TCEA1: variants seen among roughly 807,000 people sequenced by gnomAD.
TCEA1 encodes the protein transcription elongation factor A1.
Under a neutral mutation model 43.8 loss-of-function variants are expected in TCEA1, and 21 were observed. The ratio of observed to expected loss-of-function variants is 0.48; its 90% CI spans 0.34 to 0.69. TCEA1 has a LOEUF of 0.69. Ranked by LOEUF, TCEA1 falls within the 30% of genes least tolerant of loss-of-function variation. The probability of loss-of-function intolerance (pLI) is 0.01; values close to 1 mark genes in which losing one functional copy is unlikely to be tolerated. For missense variants in TCEA1, 250 were observed against 365.1 expected (o/e 0.68, Z 2.57); for synonymous variants, 104 against 117.5 (o/e 0.88, Z 0.75).
At chr8:54,020,899 C>T (rs887664076) in intron 1 of TCEA1, among the ~76,000 whole-genome samples, 1 of 152,042 alleles carries the variant, frequency 6.6e-6, no homozygotes, top group Non-Finnish European at 1.5e-5. Context: ...ATAAGTTTAC[C>T]TGAGAGGCCA....
chr8:53,987,817 G>A (rs1803735608), intron 5 of TCEA1, among the ~76,000 whole-genome samples: 1 of 151,982 alleles, frequency 6.6e-6, no homozygotes, highest in Admixed American at 6.6e-5. Flanking sequence ...AGATTAAATT[G>A]TGGGGAAACA....
At chr8:54,013,680 C>CAAAAAAA (rs5891511) in intron 1 of TCEA1, among the ~76,000 whole-genome samples, 254 of 65,110 alleles carry the variant, frequency 3.9e-3, no homozygotes, top group South Asian at 5.0e-3. Context: ...AACTCCATCT[C>CAAAAAAA]AAAAAAAAAA....
chr8:54,000,639 T>A (rs944080626), intron 2 of TCEA1, among the ~76,000 whole-genome samples: 5 of 152,190 alleles, frequency 3.3e-5, no homozygotes, highest in African/African-American at 9.6e-5. Context: ...TCCACATTCA[T>A]CAATCTTTCT....
At chr8:53,973,687 A>C (rs1803237249) in intron 8 of TCEA1, 1 of 557,972 alleles carries the variant, frequency 1.8e-6, no homozygotes, top group East Asian at 4.4e-5. Flanking sequence ...CAGCTCATGA[A>C]AAAAAAGAAA....
chr8:53,990,313 C>T (rs1183513432), intron 4 of TCEA1, among the ~76,000 whole-genome samples: 1 of 151,410 alleles, frequency 6.6e-6, no homozygotes, highest in Non-Finnish European at 1.5e-5. Context: ...CCTCGGCGTC[C>T]TAAAGTGCTT....
rs1416379973 is a variant in TCEA1 at position 53,979,151 on chromosome 8, C to T, written c.699G>A (p.Leu233=). Reference sequence around the variant, plus strand: ...TGGTCAAGTTTTTCCGCATCTCTTTCAGCTCATCACTAGCCATTTCCTATG... The same window carrying T: ...TGGTCAAGTTTTTCCGCATCTCTTTTAGCTCATCACTAGCCATTTCCTATG... ...MTAEEMASDE[L]KEMRKNLTKE... is the part of the protein sequence containing the mutation. Residue 233 remains leucine, a synonymous_variant, in exon 8 of 10, where the codon CTG becomes CTA. Coordinates refer to ENST00000521604, the MANE Select transcript of TCEA1 (RefSeq NM_006756.4). The T allele has an allele frequency of 6.2e-7, 1 of 1,613,692 alleles. No homozygotes were observed. The highest frequency in any genetic ancestry group is 8.5e-7 in the Non-Finnish European group (1 of 1,179,758).
rs118088701 is a variant in TCEA1, at chr8:54,014,747, G to A, written c.64-4255C>T. Among the ~76,000 whole-genome samples the A allele has an allele frequency of 6.8e-3, 1,040 of 152,346 alleles. 6 individuals are homozygous for A. The highest frequency in any genetic ancestry group is 0.011 in the Non-Finnish European group (777 of 68,032). ...CTCAAGGAGATGTAAAAAGGAGGGA[G>A]TAATAGGGATTTATAGTTAAGAATA... On this transcript the variant is annotated intron_variant, in intron 1 of 9. Transcript: ENST00000521604.
Position 53,999,970 on chromosome 8 carries a change from G to A in TCEA1, c.207C>T (p.Leu69=), listed in dbSNP as rs768225410. ...CTAATAATTTTTTCCAGGATTTGAT[G>A]AGAGACTTTGCCAAAGATGTAACTT... ...DEEVTSLAKS[L]IKSWKKLLDG... is the part of the protein sequence containing the mutation. Residue 69 remains leucine (L), a synonymous_variant, in exon 3 of 10, where the codon CTC becomes CTT. Transcript: ENST00000521604. 1.9e-6 allele frequency: 3 copies of A among 1,598,764 alleles called. No homozygotes were observed. Among genetic ancestry groups the A allele is most frequent in the South Asian group, 2.3e-5 (2 of 88,682 alleles).
intron 1 of TCEA1, among the ~76,000 whole-genome samples, chr8:54,011,648 CAGAA>C (rs1804656415): frequency 6.6e-6 from 1 of 152,154 alleles, no homozygotes; most frequent in African/African-American, 2.4e-5. Flanking sequence ...CCCAAAAAAA[CAGAA>C]AGAACCACAG....
chr8:53,995,064 G>A (rs1804008474), intron 3 of TCEA1, among the ~76,000 whole-genome samples: 3 of 152,076 alleles, frequency 2.0e-5, no homozygotes, highest in Admixed American at 1.3e-4. Context: ...ACTTTGGGAG[G>A]CTGAGGCAGG....
intron 4 of TCEA1, among the ~76,000 whole-genome samples, chr8:53,991,472 A>G (rs1282789784): frequency 6.6e-6 from 1 of 151,954 alleles, no homozygotes; most frequent in East Asian, 1.9e-4. Flanking sequence ...AGGCGGGCGG[A>G]TCACCTGAGG....
rs763816626 is a variant in TCEA1, at chr8:53,993,655, T to C, written c.320+13A>G. On this transcript the variant is annotated intron_variant, in intron 4 of 9. Coordinates refer to ENST00000521604, the MANE Select transcript of TCEA1 (RefSeq NM_006756.4). ...GACTTTCAATATAAATATATGTCTA[T>C]ACTGTGAAGTACCTTTCTTCTCTTG... The C allele has an allele frequency of 3.1e-6, 5 of 1,599,050 alleles. No homozygotes were observed. Among genetic ancestry groups the C allele is most frequent in the Non-Finnish European group, 4.3e-6 (5 of 1,169,118 alleles).
chr8:53,978,991 A>G (rs1381866703), intron 8 of TCEA1, 34 bp downstream of exon 8: 21 of 1,569,602 alleles, frequency 1.3e-5, no homozygotes, highest in Non-Finnish European at 1.8e-5. Flanking sequence ...AAGCATTTTT[A>G]TATAAAAATA....
chr8:53,999,038 C>A (rs1237401188), intron 3 of TCEA1, among the ~76,000 whole-genome samples: 2 of 151,960 alleles, frequency 1.3e-5, no homozygotes, highest in Non-Finnish European at 2.9e-5. Context: ...ACCACCCTGG[C>A]TAACACGGTG....
rs907862585 is a variant in TCEA1, at chr8:54,022,196, C to G, written c.-71G>C. ...GTGGGCGAAGCTGGAGCGGAAGACACAGCAGGAGCGACCCCCGGCGCGCAG... is the reference window on the plus strand; with the variant it reads ...GTGGGCGAAGCTGGAGCGGAAGACAGAGCAGGAGCGACCCCCGGCGCGCAG... On this transcript the variant is annotated 5_prime_UTR_variant, in exon 1 of 10. Transcript: ENST00000521604. 11 of 1,515,458 alleles carry G rather than the reference C, an allele frequency of 7.3e-6. No homozygotes were observed. The Admixed American group carries it at 1.9e-4, about 26-fold the overall frequency. The allele number at this position is 1,515,458 out of a possible 1,614,324, so 93.9% of individuals were successfully genotyped here. A position where few individuals can be genotyped will look rare whatever the true frequency, so the allele number is the denominator to read the frequency against.
rs1204206357 is a variant in TCEA1, at chr8:53,966,793, A to G, written c.*1311T>C. The stretch of plus-strand genomic sequence containing the variant: ...TTACAACAAAATGATATGCAATAAG[A>G]AATTGGAAAAAGGGAGCAAAGGAGA... On this transcript the variant is annotated 3_prime_UTR_variant, in exon 10 of 10. Transcript: ENST00000521604. The G allele has an allele frequency of 4.9e-6, 1 of 203,294 alleles. No homozygotes were observed. The highest frequency in any genetic ancestry group is 1.0e-5 in the Non-Finnish European group (1 of 99,360). 12.6% of individuals were successfully genotyped at this position (203,294 alleles called of 1,614,324 possible).
In TCEA1 at chr8:53,966,912, T is replaced by C. The variant is rs1803003570; in HGVS notation, c.*1192A>G. ...CTTTGCAACAGTGGCCTTTAAAGTA[T>C]GCTAGAGCAAGTGTACCCTAGGGAA... On this transcript the variant is annotated 3_prime_UTR_variant, in exon 10 of 10. Coordinates refer to ENST00000521604, the MANE Select transcript of TCEA1 (RefSeq NM_006756.4). 4.9e-6 allele frequency: 1 copy of C among 204,466 alleles called. No individual in the cohort carries two copies. Among genetic ancestry groups the C allele is most frequent in the Non-Finnish European group, 1.0e-5 (1 of 100,214 alleles). The allele number at this position is 204,466 out of a possible 1,614,324, so 12.7% of individuals were successfully genotyped here.
chr8:53,985,312 C>T (rs983651718), intron 6 of TCEA1, among the ~76,000 whole-genome samples: 4 of 152,130 alleles, frequency 2.6e-5, no homozygotes, highest in African/African-American at 9.7e-5. Context: ...CCACCGCGCC[C>T]GGCCTAGTCA....
At chr8:53,985,947 G>A (rs1415433501) in intron 6 of TCEA1, among the ~76,000 whole-genome samples, 1 of 152,100 alleles carries the variant, frequency 6.6e-6, no homozygotes, top group Non-Finnish European at 1.5e-5. Flanking sequence ...CATCAATACT[G>A]TACTTTCCTT....
Sources: allele counts gnomAD v4.1 joint callset (sites outside exome capture counted in the v4.1 genomes callset), GRCh38; gene constraint gnomAD v4.1.1; transcripts MANE v1.5; gene names NCBI Gene and HGNC (gene_info 2026-07-23, HGNC 2026-07-21).